Variants in FTO observed in about 807,000 individuals in gnomAD.
The protein encoded by FTO is alpha-ketoglutarate-dependent dioxygenase FTO.
In FTO, 47 loss-of-function variants were observed where a neutral mutation model predicts 63.9. The observed-to-expected ratio is 0.74, with a 90% CI of 0.58 to 0.94. The LOEUF (loss-of-function observed/expected upper bound fraction) is 0.94. FTO is among the 40% of genes least tolerant of loss of function. The pLI is 0.00. For missense variants in FTO, 562 were observed against 618.1 expected (o/e 0.91, Z 0.96); for synonymous variants, 207 against 224.4 (o/e 0.92, Z 0.69).
chr16:53,827,600 C>G lies in FTO; in HGVS notation c.751+1109C>G, dbSNP rs148560018. ...TTTAAAGTACTCTTTAAATTTCTTA[C>G]AATTTCCCAGTCTCAAAAATTTCCT... On this transcript the variant is annotated intron_variant, in intron 3 of 8. Transcript: ENST00000471389. Among the ~76,000 whole-genome samples the G allele has an allele frequency of 7.2e-5, 11 of 152,260 alleles. No homozygotes were observed. The East Asian group carries it at 2.1e-3, about 29-fold the overall frequency.
At chr16:53,778,441 AT>A (rs1273086421) in intron 1 of FTO, among the ~76,000 whole-genome samples, 1 of 152,194 alleles carries the variant, frequency 6.6e-6, no homozygotes, top group Non-Finnish European at 1.5e-5. Flanking sequence ...CGCTGGCTTG[AT>A]TAGTGACAAG....
In FTO at chr16:53,870,212, A is replaced by AAAAT. The variant is rs533024028; in HGVS notation, c.896-3550_896-3547dup. 8.9e-3 allele frequency among the ~76,000 whole-genome samples: 1,357 copies of AAAAT among 152,136 alleles called. 19 individuals carry two copies. The highest frequency in any genetic ancestry group is 0.03 in the African/African-American group (1,242 of 41,480). On this transcript the variant is annotated intron_variant, in intron 4 of 8. Transcript: ENST00000471389. ...GACAAGTGAGACCCTGTCTCCTGAG[A>AAAAT]AAATAAATAAATAAATAAATAAATA...
intron 8 of FTO, among the ~76,000 whole-genome samples, chr16:54,080,702 G>A (rs1421468539): frequency 2.0e-5 from 3 of 152,170 alleles, no homozygotes; most frequent in Non-Finnish European, 4.4e-5. Context: ...TACCTGATCA[G>A]TAATTGTTTC....
chr16:53,786,411 T>A (rs937565269), intron 1 of FTO, among the ~76,000 whole-genome samples: 1 of 152,130 alleles, frequency 6.6e-6, no homozygotes, highest in Non-Finnish European at 1.5e-5. Context: ...CAACACACAC[T>A]CTGTATCTTT....
In FTO at chr16:54,063,659, A is replaced by C. The variant is rs2085643549; in HGVS notation, c.1365-48103A>C. On this transcript the variant is annotated intron_variant, in intron 8 of 8. Coordinates refer to ENST00000471389, the MANE Select transcript of FTO (RefSeq NM_001080432.3). ...GTCAGCCATTTGGACAGAAGCCCTAAATGGCCCAGAGGCACAGCCATTTAG... is the reference window on the plus strand; with the variant it reads ...GTCAGCCATTTGGACAGAAGCCCTACATGGCCCAGAGGCACAGCCATTTAG... The C allele has an allele frequency of 2.0e-5, 3 of 151,932 alleles. No individual in the cohort carries two copies. The South Asian group carries it at 6.3e-4, about 32-fold the overall frequency. The allele number at this position is 151,932 out of a possible 1,614,324, so 9.4% of individuals were successfully genotyped here.
At chr16:53,864,742 T>C (rs2080261755) in intron 4 of FTO, among the ~76,000 whole-genome samples, 2 of 152,232 alleles carry the variant, frequency 1.3e-5, no homozygotes, top group South Asian at 4.1e-4. Context: ...TTATTAGGAA[T>C]AATCTTTTAA....
At chr16:53,803,770 T>G (rs1475726202) in intron 1 of FTO, among the ~76,000 whole-genome samples, 1 of 152,172 alleles carries the variant, frequency 6.6e-6, no homozygotes, top group African/African-American at 2.4e-5. Flanking sequence ...TCTAAAATTA[T>G]GCAATTTTGT....
At chr16:53,760,513 T>C (rs901314900) in intron 1 of FTO, among the ~76,000 whole-genome samples, 3 of 152,008 alleles carry the variant, frequency 2.0e-5, no homozygotes, top group Non-Finnish European at 4.4e-5. Context: ...CCCAAAGTAC[T>C]GGGATTACAG....
chr16:54,046,996 A>G (rs1401649500), intron 8 of FTO, among the ~76,000 whole-genome samples: 1 of 147,554 alleles, frequency 6.8e-6, no homozygotes, highest in Admixed American at 6.8e-5. Flanking sequence ...TAGACTTAAA[A>G]CCATAAAAAC....
At chr16:53,971,483 G>A (rs1435183060) in intron 8 of FTO, among the ~76,000 whole-genome samples, 1 of 152,182 alleles carries the variant, frequency 6.6e-6, no homozygotes, top group Admixed American at 6.5e-5. Flanking sequence ...ATTGATGTTT[G>A]AGTTTGCATT....
At chr16:54,099,995 G>A (rs1245454970) in intron 8 of FTO, among the ~76,000 whole-genome samples, 4 of 152,174 alleles carry the variant, frequency 2.6e-5, no homozygotes, top group African/African-American at 9.7e-5. Context: ...GTGGTCCTTT[G>A]TGGCAGGTTA....
intron 1 of FTO, among the ~76,000 whole-genome samples, chr16:53,730,086 A>G (rs375742607): frequency 4.1e-4 from 63 of 152,344 alleles, no homozygotes; most frequent in East Asian, 3.7e-3. Flanking sequence ...TCAAATGTAG[A>G]TATAATCAGA....
intron 4 of FTO, among the ~76,000 whole-genome samples, chr16:53,865,238 T>C (rs911899061): frequency 6.6e-6 from 1 of 152,162 alleles, no homozygotes; most frequent in Non-Finnish European, 1.5e-5. Flanking sequence ...CTCCACTTTT[T>C]ATTATTTTGC....
intron 8 of FTO, among the ~76,000 whole-genome samples, chr16:54,098,675 A>G (rs1227337311): frequency 6.6e-6 from 1 of 152,164 alleles, no homozygotes; most frequent in Non-Finnish European, 1.5e-5. Flanking sequence ...TTGTAGAAAA[A>G]CAGGCTGTTT....
intron 4 of FTO, among the ~76,000 whole-genome samples, chr16:53,871,468 A>T (rs1172760758): frequency 6.6e-6 from 1 of 152,108 alleles, no homozygotes; most frequent in Non-Finnish European, 1.5e-5. Flanking sequence ...TTTGTTTCAG[A>T]TACTGCATGT....
rs551497582 is a variant in FTO at position 53,973,594 on chromosome 16, G to A, written c.1364+39485G>A. ...TGTGGAAACCTGGATTCTGCCTCTG[G>A]TTCTGCCTCTCCCTAGAGCTCAGTC... On this transcript the variant is annotated intron_variant, in intron 8 of 8. Transcript: ENST00000471389. 1.5e-3 allele frequency among the ~76,000 whole-genome samples: 230 copies of A among 152,218 alleles called. 1 individual carries two copies. The highest frequency in any genetic ancestry group is 2.7e-3 in the Non-Finnish European group (185 of 68,024).
At chr16:53,745,471 A>G (rs558164222) in intron 1 of FTO, among the ~76,000 whole-genome samples, 1 of 152,316 alleles carries the variant, frequency 6.6e-6, no homozygotes. Context: ...AAATGACAGA[A>G]TTCAGCTCCA....
At chr16:54,060,794 C>T (rs964435665) in intron 8 of FTO, among the ~76,000 whole-genome samples, 6 of 152,130 alleles carry the variant, frequency 3.9e-5, no homozygotes, top group South Asian at 2.1e-4. Context: ...TGGTCTATTG[C>T]GGCAGCAAAG....
intron 1 of FTO, among the ~76,000 whole-genome samples, chr16:53,771,068 G>T (rs1567972384): frequency 6.6e-6 from 1 of 152,044 alleles, no homozygotes; most frequent in Non-Finnish European, 1.5e-5. Flanking sequence ...ATAGGTTGGG[G>T]CTATGATAGA....
Sources: gnomAD v4.1 joint callset for allele counts (sites outside exome capture counted in the v4.1 genomes callset) on GRCh38, gnomAD v4.1.1 for gene constraint, MANE v1.5 for transcripts, NCBI Gene and HGNC (gene_info 2026-07-23, HGNC 2026-07-21) for gene names.